Variants in ITGAM observed in about 807,000 individuals in gnomAD.
ITGAM encodes integrin subunit alpha M, also known as integrin alpha-M.
ITGAM carries 79 observed loss-of-function variants against 137.5 expected under a neutral mutation model. That is an observed-to-expected ratio of 0.57 (90% confidence interval 0.48 to 0.69). The LOEUF is 0.69. Among genes scored for constraint, ITGAM ranks in the 30% least tolerant of loss-of-function variants. The probability of loss-of-function intolerance (pLI) is 0.00; values close to 1 mark genes in which losing one functional copy is unlikely to be tolerated. For synonymous variants in ITGAM, 583 were observed against 592.3 expected (o/e 0.98, Z 0.23); for missense variants, 1,343 against 1,483.5 (o/e 0.91, Z 1.56).
At chr16:31,303,186 C>T (rs1446278109) in intron 14 of ITGAM, among the ~76,000 whole-genome samples, 1 of 151,346 alleles carries the variant, frequency 6.6e-6, no homozygotes, top group Non-Finnish European at 1.5e-5. Context: ...GTGTGCACCC[C>T]CACGCTTGGC....
At chr16:31,279,067 T>G (rs952649798) in intron 12 of ITGAM, among the ~76,000 whole-genome samples, 1 of 152,222 alleles carries the variant, frequency 6.6e-6, no homozygotes, top group Non-Finnish European at 1.5e-5. Flanking sequence ...GGACATGAAC[T>G]CATCCTTTTT....
chr16:31,308,162 T>A (rs2080284804), intron 14 of ITGAM, among the ~76,000 whole-genome samples: 1 of 152,230 alleles, frequency 6.6e-6, no homozygotes, highest in Non-Finnish European at 1.5e-5. Context: ...GCTGGCCTTA[T>A]AAAATGAGTT....
intron 12 of ITGAM, among the ~76,000 whole-genome samples, chr16:31,296,608 G>A (rs899062734): frequency 1.4e-4 from 22 of 152,240 alleles, no homozygotes; most frequent in Middle Eastern, 3.4e-3. Flanking sequence ...TTGCAGAGCC[G>A]TGGCATGATG....
intron 12 of ITGAM, among the ~76,000 whole-genome samples, chr16:31,291,335 T>A (rs968446189): frequency 6.6e-6 from 1 of 152,184 alleles, no homozygotes; most frequent in Non-Finnish European, 1.5e-5. Flanking sequence ...CTGATTTCCT[T>A]TCCTTTGGCA....
In ITGAM at chr16:31,286,163, C is replaced by T. The variant is rs547897693; in HGVS notation, c.1356+8054C>T. 4.0e-5 allele frequency among the ~76,000 whole-genome samples: 6 copies of T among 150,682 alleles called. No individual in the cohort carries two copies. In the East Asian group the frequency reaches 7.7e-4, roughly 19 times the overall value. On this transcript the variant is annotated intron_variant, in intron 12 of 29. Coordinates refer to ENST00000544665, the MANE Select transcript of ITGAM (RefSeq NM_000632.4). ...TAGCCTCCAGCTGCATCCATGTTGC[C>T]GCAAAGGATGTGATTCATTTTTTTT... is the stretch of plus-strand genomic sequence containing the variant.
chr16:31,282,156 T>G (rs900092552), intron 12 of ITGAM, among the ~76,000 whole-genome samples: 32 of 152,232 alleles, frequency 2.1e-4, no homozygotes, highest in South Asian at 4.1e-4. Context: ...GTCAATTTTG[T>G]AATAGGTGTG....
intron 8 of ITGAM, among the ~76,000 whole-genome samples, chr16:31,274,960 A>G (rs925803499): frequency 1.3e-5 from 2 of 152,190 alleles, no homozygotes; most frequent in Non-Finnish European, 2.9e-5. Context: ...CCTTGTTGGC[A>G]AAGTGCCCTG....
intron 12 of ITGAM, among the ~76,000 whole-genome samples, chr16:31,284,114 C>T (rs540274005): frequency 2.0e-4 from 30 of 152,246 alleles, no homozygotes; most frequent in African/African-American, 6.7e-4. Flanking sequence ...GGCACCCAGC[C>T]GTATGAGGTG....
chr16:31,273,932 G>C (rs1176173126), intron 8 of ITGAM, among the ~76,000 whole-genome samples: 1 of 152,204 alleles, frequency 6.6e-6, no homozygotes, highest in Non-Finnish European at 1.5e-5. Flanking sequence ...TCCAGGGCTA[G>C]CCTGGGCATG....
intron 12 of ITGAM, among the ~76,000 whole-genome samples, chr16:31,283,208 C>T (rs1264650569): frequency 6.6e-6 from 1 of 152,146 alleles, no homozygotes; most frequent in African/African-American, 2.4e-5. Flanking sequence ...TGGAGTTGCT[C>T]TTCTTGAGGA....
chr16:31,266,171 A>G, intron 5 of ITGAM, 24 bp downstream of exon 5: 1 of 1,512,664 alleles, frequency 6.6e-7, no homozygotes, highest in Non-Finnish European at 9.2e-7. Context: ...GGCAGAGGGA[A>G]CAGATGCGCA....
intron 12 of ITGAM, among the ~76,000 whole-genome samples, chr16:31,288,261 T>C (rs1371069904): frequency 1.3e-5 from 2 of 152,092 alleles, no homozygotes; most frequent in Non-Finnish European, 2.9e-5. Flanking sequence ...GCAGGGCTTG[T>C]TCAATATCCC....
chr16:31,278,467 C>T (rs548282538), intron 12 of ITGAM, among the ~76,000 whole-genome samples: 2 of 152,218 alleles, frequency 1.3e-5, no homozygotes, highest in African/African-American at 4.8e-5. Context: ...TCTGGTGCTT[C>T]CCCAGTCTCT....
intron 12 of ITGAM, among the ~76,000 whole-genome samples, chr16:31,287,494 C>T (rs981959463): frequency 1.3e-5 from 2 of 152,154 alleles, no homozygotes; most frequent in Non-Finnish European, 2.9e-5. Context: ...TCTTCCAATC[C>T]ATGAGCATGG....
intron 2 of ITGAM, 43 bp from the exon 3 acceptor site, chr16:31,265,351 TC>T (rs747876782): frequency 8.7e-7 from 1 of 1,148,004 alleles, no homozygotes; most frequent in South Asian, 1.5e-5. Flanking sequence ...TCTCCTTCTC[TC>T]CCCACATGTC....
At chr16:31,266,314 G>A (rs913263187) in intron 5 of ITGAM, among the ~76,000 whole-genome samples, 167 bp downstream of exon 5, 2 of 151,586 alleles carry the variant, frequency 1.3e-5, no homozygotes, top group Non-Finnish European at 2.9e-5. Context: ...TGTACTTTAG[G>A]AAAACGCCTT....
chr16:31,279,199 T>C (rs7192039), intron 12 of ITGAM, among the ~76,000 whole-genome samples: 26,284 of 152,082 alleles, frequency 0.17, 2,828 homozygotes, highest in African/African-American at 0.3. Context: ...AATAAACATA[T>C]GTGTGCGTGT....
rs1385680743 is a variant in ITGAM at position 31,321,544 on chromosome 16, A to T, written c.1919A>T (p.Asp640Val). 1.2e-6 allele frequency: 2 copies of T among 1,614,018 alleles called. No individual in the cohort carries two copies. Residue 640 changes from aspartate to valine, a missense_variant, in exon 16 of 30, where the codon GAT becomes GTT. By Grantham distance (152) the Asp-to-Val change is radical. Transcript: ENST00000544665. ...GCAAGGAATGTATTTGAGTGTAATG[A>T]TCAGGTGGTGAAAGGCAAGGAAGCC... ...EVARNVFECN[D>V]QVVKGKEAGE...
Position 31,265,791 on chromosome 16 carries a change from G to A in ITGAM, c.239-20G>A. ...TCTGTCCCCCCACCAGGGTGACCAT[G>A]CCCATATCTGTCCCCGCAGTCCCCG... is the stretch of plus-strand genomic sequence containing the variant. On this transcript the variant is annotated intron_variant, in intron 3 of 29. Coordinates refer to ENST00000544665, the MANE Select transcript of ITGAM (RefSeq NM_000632.4). 1 of 1,611,886 alleles carries A rather than the reference G, an allele frequency of 6.2e-7. No individual in the cohort carries two copies. Among genetic ancestry groups the A allele is most frequent in the Non-Finnish European group, 8.5e-7 (1 of 1,178,480 alleles).
Sources: allele counts gnomAD v4.1 joint callset (sites outside exome capture counted in the v4.1 genomes callset), GRCh38; gene constraint gnomAD v4.1.1; transcripts MANE v1.5; gene names NCBI Gene and HGNC (gene_info 2026-07-23, HGNC 2026-07-21).